CEP43: variants seen among roughly 807,000 people sequenced by gnomAD.
CEP43 encodes the protein centrosomal protein 43, also known as FGFR1 oncogene partner.
A neutral mutation model predicts 52.6 loss-of-function variants in CEP43; 36 were observed. That is an observed-to-expected ratio of 0.68 (90% CI 0.52 to 0.90). CEP43 has a LOEUF of 0.90. Among genes scored for constraint, CEP43 ranks in the 40% least tolerant of loss-of-function variants. The probability of loss-of-function intolerance (pLI) is 0.00; values close to 1 mark genes in which losing one functional copy is unlikely to be tolerated. For synonymous variants in CEP43, 192 were observed against 172.4 expected (o/e 1.11, Z -0.89); for missense variants, 506 against 472.8 (o/e 1.07, Z -0.65).
chr6:167,008,037 A>C (rs1438822623), intron 5 of CEP43, among the ~76,000 whole-genome samples: 1 of 151,676 alleles, frequency 6.6e-6, no homozygotes, highest in Non-Finnish European at 1.5e-5. Flanking sequence ...TAGTGACTGC[A>C]CTGCCGACTC....
In CEP43 at chr6:167,030,685, C is replaced by A. The variant is rs571813916; in HGVS notation, c.989-1918C>A. Reference sequence around the variant, plus strand: ...TGTGGGACACCTGCCTTGACCCAAGCCTTTTACCCCTGTTCTCTTTGGCCT... The same window carrying A: ...TGTGGGACACCTGCCTTGACCCAAGACTTTTACCCCTGTTCTCTTTGGCCT... On this transcript the variant is annotated intron_variant, in intron 10 of 12. Coordinates refer to ENST00000366847, the MANE Select transcript of CEP43 (RefSeq NM_007045.4). Among the ~76,000 whole-genome samples, 31 of 152,302 alleles carry A rather than the reference C, an allele frequency of 2.0e-4. No homozygotes were observed. In the South Asian group the frequency reaches 6.2e-3, roughly 31 times the overall value.
rs896963818 is a variant in CEP43 at position 167,049,354 on chromosome 6, G to A, written c.*9376G>A. ...CCAAAAAGAAACCTTGTATCCATTG[G>A]CAGTAACTCCCTATGCTCCGCCATT... On this transcript the variant is annotated 3_prime_UTR_variant, in exon 13 of 13. Coordinates refer to ENST00000366847, the MANE Select transcript of CEP43 (RefSeq NM_007045.4). 4.6e-5 allele frequency: 7 copies of A among 152,180 alleles called. No individual in the cohort carries two copies. Among genetic ancestry groups the A allele is most frequent in the African/African-American group, 1.4e-4 (6 of 41,442 alleles). The allele number at this position is 152,180 out of a possible 1,614,324, so 9.4% of individuals were successfully genotyped here.
chr6:167,019,146 T>C (rs1562527978), intron 7 of CEP43, among the ~76,000 whole-genome samples: 1 of 152,166 alleles, frequency 6.6e-6, no homozygotes, highest in Admixed American at 6.5e-5. Flanking sequence ...GCACCTCATG[T>C]TTATGAAGTG....
rs1780794242 is a variant in CEP43 at position 167,046,220 on chromosome 6, A to C, written c.*6242A>C. 6.6e-6 allele frequency: 1 copy of C among 152,162 alleles called. No homozygotes were observed. Among genetic ancestry groups the C allele is most frequent in the South Asian group, 2.1e-4 (1 of 4,834 alleles). 9.4% of individuals were successfully genotyped at this position (152,162 alleles called of 1,614,324 possible). ...ACATTCTCCAATATTTTTATTTGTC[A>C]TGATTTATTGCAGGGTTCACTTATT... On this transcript the variant is annotated 3_prime_UTR_variant, in exon 13 of 13. Coordinates refer to ENST00000366847, the MANE Select transcript of CEP43 (RefSeq NM_007045.4).
intron 8 of CEP43, among the ~76,000 whole-genome samples, chr6:167,023,014 T>A (rs73028276): frequency 0.02 from 3,076 of 151,688 alleles, 52 homozygotes; most frequent in East Asian, 0.091. Context: ...GGAGCCCGAG[T>A]GTGTGGTCAG....
chr6:167,029,085 G>A (rs1780413432), intron 10 of CEP43, among the ~76,000 whole-genome samples: 1 of 151,034 alleles, frequency 6.6e-6, no homozygotes, highest in Non-Finnish European at 1.5e-5. Context: ...TTGTTTTTTT[G>A]TTTTTTAACA....
chr6:167,042,479 A>G lies in CEP43; in HGVS notation c.*2501A>G. On this transcript the variant is annotated 3_prime_UTR_variant, in exon 13 of 13. Coordinates refer to ENST00000366847, the MANE Select transcript of CEP43 (RefSeq NM_007045.4). ...ACCTGTGGGCAGTTGTGTAGATGCC[A>G]TTAGTCCCTGCCTCATGCTTGCCCA... The G allele has an allele frequency of 1.8e-6, 1 of 544,726 alleles. No homozygotes were observed. The highest frequency in any genetic ancestry group is 2.3e-6 in the Non-Finnish European group (1 of 427,980). The allele number at this position is 544,726 out of a possible 1,614,324, so 33.7% of individuals were successfully genotyped here. A position where few individuals can be genotyped will look rare whatever the true frequency, so the allele number is the denominator to read the frequency against.
At chr6:167,035,945 G>A (rs1004157802) in intron 12 of CEP43, 36 of 523,304 alleles carry the variant, frequency 6.9e-5, no homozygotes, top group African/African-American at 3.9e-4. Flanking sequence ...AGAGATAAGC[G>A]TGTAAAGCAT....
Position 167,022,924 on chromosome 6 carries a change from G to A in CEP43, c.806+289G>A, listed in dbSNP as rs190559356. ...GAAGAGGGAAGACTCCTGCCCTCAG[G>A]AAGCTCATGCTCTGGTGACAGAGTC... is the stretch of plus-strand genomic sequence containing the variant. On this transcript the variant is annotated intron_variant, in intron 8 of 12. Coordinates refer to ENST00000366847, the MANE Select transcript of CEP43 (RefSeq NM_007045.4). Among the ~76,000 whole-genome samples, 68 of 152,232 alleles carry A rather than the reference G, an allele frequency of 4.5e-4. No individual in the cohort carries two copies. In the Middle Eastern group the frequency reaches 0.01, roughly 23 times the overall value.
chr6:167,026,716 C>T lies in CEP43; in HGVS notation c.988+101C>T. 7 of 701,074 alleles carry T rather than the reference C, an allele frequency of 1.0e-5. No homozygotes were observed. In the South Asian group the frequency reaches 1.2e-4, roughly 12 times the overall value. 43.4% of individuals were successfully genotyped at this position (701,074 alleles called of 1,614,324 possible). On this transcript the variant is annotated intron_variant, in intron 10 of 12. Transcript: ENST00000366847. ...TCCGTCTGCCTACGCTGAGCACCTT[C>T]CTGCTGCTGCTCATTCAGCAGGTGT... is the stretch of plus-strand genomic sequence containing the variant.
At chr6:167,025,109 C>T (rs1045515375) in intron 9 of CEP43, 3 of 359,144 alleles carry the variant, frequency 8.4e-6, no homozygotes, top group Non-Finnish European at 1.5e-5. Context: ...CCTTCCTATA[C>T]CTATATACCA....
At chr6:167,030,788 A>G (rs1473484388) in intron 10 of CEP43, among the ~76,000 whole-genome samples, 1 of 151,826 alleles carries the variant, frequency 6.6e-6, no homozygotes, top group African/African-American at 2.4e-5. Context: ...CGGTGGTACG[A>G]TTATCTCTGG....
intron 8 of CEP43, among the ~76,000 whole-genome samples, chr6:167,023,679 C>T (rs1423491351): frequency 1.8e-4 from 27 of 152,092 alleles, no homozygotes; most frequent in Admixed American, 1.6e-3. Context: ...GCAGGTCCTG[C>T]GCACCTTGAG....
Position 167,003,814 on chromosome 6 carries a change from A to G in CEP43, c.300+3A>G. On this transcript the variant is annotated splice_donor_region_variant and intron_variant, in intron 4 of 12. Coordinates refer to ENST00000366847, the MANE Select transcript of CEP43 (RefSeq NM_007045.4). ...TTTTTCAACCTGAAACTAGCACAGTAAGAATAATGATTTTTACATCTATCT... is the reference window on the plus strand; with the variant it reads ...TTTTTCAACCTGAAACTAGCACAGTGAGAATAATGATTTTTACATCTATCT... 6.4e-7 allele frequency: 1 copy of G among 1,555,810 alleles called. No individual in the cohort carries two copies. Among genetic ancestry groups the G allele is most frequent in the Non-Finnish European group, 8.9e-7 (1 of 1,129,678 alleles).
At chr6:167,009,411 G>T (rs376999850) in intron 5 of CEP43, among the ~76,000 whole-genome samples, 1 of 150,906 alleles carries the variant, frequency 6.6e-6, no homozygotes, top group South Asian at 2.1e-4. Context: ...TCGGGAGGGC[G>T]AGGCAGGAGA....
At chr6:167,037,682 A>G (rs1195859636) in intron 12 of CEP43, among the ~76,000 whole-genome samples, 3 of 152,248 alleles carry the variant, frequency 2.0e-5, no homozygotes, top group African/African-American at 7.2e-5. Flanking sequence ...ATGAGAGGAT[A>G]TGTGGGGGGC....
intron 9 of CEP43, among the ~76,000 whole-genome samples, chr6:167,025,440 A>G (rs1439266410): frequency 6.6e-6 from 1 of 152,240 alleles, no homozygotes; most frequent in Non-Finnish European, 1.5e-5. Context: ...AGTGATAGGA[A>G]TTTAAAAAGC....
chr6:167,028,357 A>G (rs1201355976), intron 10 of CEP43: 25 of 985,058 alleles, frequency 2.5e-5, no homozygotes, highest in Non-Finnish European at 3.0e-5. Flanking sequence ...GTGCTCCTTC[A>G]CTTCACTTTG....
At chr6:167,005,253 A>G (rs1779826288) in intron 5 of CEP43, among the ~76,000 whole-genome samples, 2 of 152,202 alleles carry the variant, frequency 1.3e-5, no homozygotes, top group Non-Finnish European at 2.9e-5. Context: ...GGCATGGTAA[A>G]TAGACTTTGT....
Sources: gnomAD v4.1 joint callset for allele counts (sites outside exome capture counted in the v4.1 genomes callset) on GRCh38, gnomAD v4.1.1 for gene constraint, MANE v1.5 for transcripts, NCBI Gene and HGNC (gene_info 2026-07-23, HGNC 2026-07-21) for gene names.